The following GBE1 variants were observed in gnomAD, a reference collection of about 807,000 sequenced individuals.
GBE1 encodes the protein 1,4-alpha-glucan branching enzyme 1, also known as 1,4-alpha-glucan-branching enzyme.
Under a neutral mutation model 88.8 loss-of-function variants are expected in GBE1, and 70 were observed. The observed-to-expected ratio is 0.79, with a 90% CI of 0.65 to 0.96. The LOEUF is 0.96. Ranked by LOEUF, GBE1 falls within the 40% of genes least tolerant of loss-of-function variation. The pLI is 0.00. For synonymous variants in GBE1, 284 were observed against 300.1 expected (o/e 0.95, Z 0.56); for missense variants, 872 against 871.0 (o/e 1.00, Z -0.01).
chr3:81,529,991 T>C (rs932780984), intron 14 of GBE1, among the ~76,000 whole-genome samples: 84 of 152,042 alleles, frequency 5.5e-4, no homozygotes, highest in East Asian at 3.9e-4. Context: ...GGCTATTTTC[T>C]AGATCCTGTA....
At chr3:81,750,617 G>GTGTA (rs1706503662) in intron 1 of GBE1, among the ~76,000 whole-genome samples, 12 of 42,150 alleles carry the variant, frequency 2.8e-4, no homozygotes, top group African/African-American at 1.7e-3. Flanking sequence ...ATATATATAT[G>GTGTA]TATATATATA....
At chr3:81,519,665 A>G (rs868069769) in intron 14 of GBE1, among the ~76,000 whole-genome samples, 1 of 151,314 alleles carries the variant, frequency 6.6e-6, no homozygotes, top group South Asian at 2.1e-4. Flanking sequence ...AAATAGAACC[A>G]TGACACATTC....
At chr3:81,552,602 T>C (rs1438495087) in intron 12 of GBE1, among the ~76,000 whole-genome samples, 2 of 149,372 alleles carry the variant, frequency 1.3e-5, no homozygotes, top group Non-Finnish European at 3.0e-5. Flanking sequence ...TGTCCATAAG[T>C]GCAAAATCAG....
At chr3:81,569,512 T>C (rs1410212577) in intron 12 of GBE1, among the ~76,000 whole-genome samples, 1 of 152,214 alleles carries the variant, frequency 6.6e-6, no homozygotes, top group Non-Finnish European at 1.5e-5. Context: ...GCTTGACCTG[T>C]GAGTTGCTTA....
chr3:81,639,357 A>AG (rs1242902479), intron 7 of GBE1, among the ~76,000 whole-genome samples: 3 of 151,964 alleles, frequency 2.0e-5, no homozygotes, highest in Non-Finnish European at 1.5e-5. Flanking sequence ...TTTTAAAAAA[A>AG]ATGGCTATTT....
At chr3:81,629,511 AAAAAT>A (rs921910512) in intron 7 of GBE1, among the ~76,000 whole-genome samples, 36 of 152,210 alleles carry the variant, frequency 2.4e-4, no homozygotes, top group African/African-American at 8.2e-4. Context: ...GGGTTTATTG[AAAAAT>A]AAAATATTAT....
intron 2 of GBE1, among the ~76,000 whole-genome samples, chr3:81,700,216 A>G (rs1705666749): frequency 6.6e-6 from 1 of 152,200 alleles, no homozygotes; most frequent in Non-Finnish European, 1.5e-5. Context: ...AAGCTGACTA[A>G]TAGAGACAAA....
At chr3:81,745,794 A>G (rs1174134810) in intron 1 of GBE1, among the ~76,000 whole-genome samples, 2 of 152,142 alleles carry the variant, frequency 1.3e-5, no homozygotes, top group Non-Finnish European at 2.9e-5. Context: ...AAAGGCAGAT[A>G]AATTTTTAGC....
chr3:81,528,533 T>C (rs1021626152), intron 14 of GBE1, among the ~76,000 whole-genome samples: 1 of 152,086 alleles, frequency 6.6e-6, no homozygotes, highest in Admixed American at 6.6e-5. Flanking sequence ...GGTTTCTTTG[T>C]TGATTTCCTG....
intron 2 of GBE1, among the ~76,000 whole-genome samples, chr3:81,674,270 TTCCTG>T (rs1383800582): frequency 2.0e-5 from 3 of 151,898 alleles, no homozygotes; most frequent in Non-Finnish European, 2.9e-5. Context: ...ATAAAACCAG[TTCCTG>T]CCTTATATGA....
At chr3:81,498,548 C>T (rs1414508033) in intron 15 of GBE1, among the ~76,000 whole-genome samples, 2 of 152,044 alleles carry the variant, frequency 1.3e-5, no homozygotes, top group African/African-American at 2.4e-5. Flanking sequence ...TGTGTGAACA[C>T]CACAATGCAA....
chr3:81,530,780 C>T (rs754419463), intron 14 of GBE1, among the ~76,000 whole-genome samples: 4 of 151,908 alleles, frequency 2.6e-5, no homozygotes, highest in African/African-American at 4.8e-5. Context: ...GAAGCCAGCA[C>T]ACTACTAGTC....
rs1243063658 is a variant in GBE1, at chr3:81,642,593, T to C, written c.992+188A>G. 5.9e-6 allele frequency: 3 copies of C among 505,218 alleles called. No individual in the cohort carries two copies. In the African/African-American group the frequency reaches 6.0e-5, roughly 10 times the overall value. The allele number at this position is 505,218 out of a possible 1,614,324, so 31.3% of individuals were successfully genotyped here. On this transcript the variant is annotated intron_variant, in intron 7 of 15. Transcript: ENST00000429644. ...GCGTAAGATATGTAAAATTGAAATT[T>C]AATGAAATATACCACAAATACATGT... is the stretch of plus-strand genomic sequence containing the variant.
chr3:81,685,861 C>T (rs987298530), intron 2 of GBE1, among the ~76,000 whole-genome samples: 3 of 152,196 alleles, frequency 2.0e-5, no homozygotes, highest in South Asian at 2.1e-4. Context: ...CTCTGGCTAT[C>T]CTACCATTGA....
intron 7 of GBE1, among the ~76,000 whole-genome samples, chr3:81,626,427 C>A (rs1184940125): frequency 6.6e-6 from 1 of 151,982 alleles, no homozygotes; most frequent in Non-Finnish European, 1.5e-5. Flanking sequence ...AACACAAATA[C>A]AATTGCAACT....
chr3:81,492,677 A>ATTCTCCCT (rs149554537), intron 15 of GBE1, among the ~76,000 whole-genome samples: 34,695 of 133,394 alleles, frequency 0.26, 5,667 homozygotes, highest in African/African-American at 0.39. Context: ...CCCTTCTCCC[A>ATTCTCCCT]TTCTCCCTTT....
chr3:81,597,073 A>G (rs1703966029), intron 7 of GBE1, among the ~76,000 whole-genome samples: 2 of 151,906 alleles, frequency 1.3e-5, no homozygotes, highest in African/African-American at 4.8e-5. Flanking sequence ...TGTTCTCTCT[A>G]GTAGTAAATG....
intron 14 of GBE1, among the ~76,000 whole-genome samples, chr3:81,503,159 ATGTACAAGATAT>A (rs1702611877): frequency 6.6e-6 from 1 of 152,218 alleles, no homozygotes. Flanking sequence ...AGTACATACA[ATGTACAAGATAT>A]TGTGCAAGAA....
At chr3:81,753,102 A>G (rs1706553969) in intron 1 of GBE1, among the ~76,000 whole-genome samples, 1 of 152,234 alleles carries the variant, frequency 6.6e-6, no homozygotes, top group South Asian at 2.1e-4. Flanking sequence ...TAATAGTTAT[A>G]AGAGCTAAAA....
Sources: gnomAD v4.1 joint callset for allele counts (sites outside exome capture counted in the v4.1 genomes callset) on GRCh38, gnomAD v4.1.1 for gene constraint, MANE v1.5 for transcripts, NCBI Gene and HGNC (gene_info 2026-07-23, HGNC 2026-07-21) for gene names.